RGMA: variants seen among roughly 807,000 people sequenced by gnomAD.
RGMA encodes repulsive guidance molecule A.
Under a neutral mutation model 23.2 loss-of-function variants are expected in RGMA, and 10 were observed. That is an observed-to-expected ratio of 0.43 (90% CI 0.27 to 0.73). RGMA has a LOEUF of 0.73. Among genes scored for constraint, RGMA ranks in the 30% least tolerant of loss-of-function variants. RGMA has a pLI of 0.20. For missense variants in RGMA, 547 were observed against 630.5 expected (o/e 0.87, Z 1.42); for synonymous variants, 308 against 279.3 (o/e 1.10, Z -1.03).
Position 93,089,080 on chromosome 15 carries a change from G to C in RGMA, c.-148C>G. 1 of 407,980 alleles carries C rather than the reference G, an allele frequency of 2.5e-6. No homozygotes were observed. The highest frequency in any genetic ancestry group is 4.2e-6 in the Non-Finnish European group (1 of 240,362). 25.3% of individuals were successfully genotyped at this position (407,980 alleles called of 1,614,324 possible). Reference sequence around the variant, plus strand: ...CCCCGGCCGGCTCAGCAGCGGCCCGGGGAGCGCCTCCTGCTCCCGGGCTGC... The same window carrying C: ...CCCCGGCCGGCTCAGCAGCGGCCCGCGGAGCGCCTCCTGCTCCCGGGCTGC... On this transcript the variant is annotated 5_prime_UTR_variant, in exon 1 of 4. Coordinates refer to ENST00000329082, the MANE Select transcript of RGMA (RefSeq NM_020211.3).
chr15:93,088,641 G>T, intron 1 of RGMA: 1 of 1,035,170 alleles, frequency 9.7e-7, no homozygotes, highest in Non-Finnish European at 1.3e-6. Context: ...CGCACACGGT[G>T]TAAGGGACGT....
intron 1 of RGMA, among the ~76,000 whole-genome samples, chr15:93,079,916 T>C (rs1808443903): frequency 1.3e-5 from 2 of 152,052 alleles, no homozygotes; most frequent in African/African-American, 4.8e-5. Context: ...GAAAGGACAG[T>C]TGTACATTTT....
At chr15:93,082,897 C>T (rs781214305) in intron 1 of RGMA, among the ~76,000 whole-genome samples, 1 of 152,172 alleles carries the variant, frequency 6.6e-6, no homozygotes, top group Non-Finnish European at 1.5e-5. Context: ...TAAACCTATC[C>T]ACAGTATCAG....
chr15:93,081,461 G>A (rs1895557741), intron 1 of RGMA, among the ~76,000 whole-genome samples: 1 of 152,198 alleles, frequency 6.6e-6, no homozygotes, highest in Non-Finnish European at 1.5e-5. Context: ...CCATACCTTA[G>A]AAACATTCAG....
At chr15:93,087,666 T>C (rs1225441436) in intron 1 of RGMA, among the ~76,000 whole-genome samples, 1 of 152,130 alleles carries the variant, frequency 6.6e-6, no homozygotes, top group African/African-American at 2.4e-5. Context: ...GGTTTGTGCA[T>C]TGGTTTTCAA....
At chr15:93,073,982 G>A (rs1895426299) in intron 1 of RGMA, 3 of 1,417,714 alleles carry the variant, frequency 2.1e-6, no homozygotes, top group Non-Finnish European at 2.7e-6. Flanking sequence ...GAGGGCTTCA[G>A]TATGGTGACC....
At position 93,045,253 on chromosome 15, in the gene RGMA, C is replaced by T; in HGVS notation, c.1098G>A (p.Glu366=). Residue 366 remains glutamate, a synonymous_variant, in exon 4 of 4, where the codon GAG becomes GAA. Transcript: ENST00000329082. This position sits in a 1 kb window ranked among gnomAD's most constrained non-coding sequence, Gnocchi z 6.9. ...PYETAVAKCK[E]KLPVEDLYYQ... The stretch of plus-strand genomic sequence containing the variant: ...AGTACAGGTCCTCCACCGGCAGCTT[C>T]TCCTTGCACTTGGCCACGGCTGTCT... The T allele has an allele frequency of 6.2e-7, 1 of 1,613,216 alleles. No homozygotes were observed. The highest frequency in any genetic ancestry group is 2.2e-5 in the East Asian group (1 of 44,850).
chr15:93,077,716 A>AGT (rs138060075), intron 1 of RGMA, among the ~76,000 whole-genome samples: 6 of 152,114 alleles, frequency 3.9e-5, no homozygotes, highest in Middle Eastern at 3.4e-3. Flanking sequence ...GACGTGACAT[A>AGT]GTGTGTGTGT....
chr15:93,077,036 C>T (rs751659491), intron 1 of RGMA, among the ~76,000 whole-genome samples: 2 of 152,070 alleles, frequency 1.3e-5, no homozygotes, highest in East Asian at 1.9e-4. Flanking sequence ...GGGAAGTTGA[C>T]GGGCAAGGGA....
chr15:93,045,628 G>A lies in RGMA; in HGVS notation c.723C>T (p.Ala241=), dbSNP rs750421654. Residue 241 remains alanine, a synonymous_variant, in exon 4 of 4, where the codon GCC becomes GCT. Transcript: ENST00000329082. This position sits in a 1 kb window ranked among gnomAD's most constrained non-coding sequence, Gnocchi z 6.9. ...CGTTCTTAGAGCCATCCACGAAGGC[G>A]GCCGGGAGCTCGTCCATCTCAGCCT... is the stretch of plus-strand genomic sequence containing the variant. The part of the protein sequence containing the change: ...VYQAEMDELP[A]AFVDGSKNGG... 19 of 1,612,468 alleles carry A rather than the reference G, an allele frequency of 1.2e-5. No individual in the cohort carries two copies. Among genetic ancestry groups the A allele is most frequent in the African/African-American group, 2.7e-5 (2 of 74,910 alleles).
intron 1 of RGMA, among the ~76,000 whole-genome samples, chr15:93,087,204 G>C (rs1162665787): frequency 6.6e-6 from 1 of 152,188 alleles, no homozygotes; most frequent in African/African-American, 2.4e-5. Context: ...TGCTCTACAA[G>C]GGGCCAGGGT....
intron 3 of RGMA, among the ~76,000 whole-genome samples, chr15:93,046,041 T>G (rs894858346): frequency 1.3e-5 from 2 of 152,040 alleles, no homozygotes; most frequent in African/African-American, 4.8e-5. Context: ...AAAAGCCCAG[T>G]GTGGTAGGCT....
chr15:93,066,246 CTTT>C, intron 2 of RGMA: 1 of 1,235,408 alleles, frequency 8.1e-7, no homozygotes, highest in Non-Finnish European at 1.2e-6. Flanking sequence ...TCCTGGGCTT[CTTT>C]TAATAGCTGT....
intron 3 of RGMA, among the ~76,000 whole-genome samples, chr15:93,051,684 G>A (rs771681092): frequency 3.9e-5 from 6 of 152,204 alleles, no homozygotes; most frequent in Non-Finnish European, 8.8e-5. Flanking sequence ...ACCCGGGCCT[G>A]GGGCAAATTC....
intron 2 of RGMA, chr15:93,066,045 C>A (rs1895135599): frequency 1.3e-6 from 2 of 1,511,564 alleles, no homozygotes; most frequent in South Asian, 2.3e-5. Context: ...GGATCTCTGC[C>A]ACCATGGGTG....
rs778130231 is a variant in RGMA at position 93,052,273 on chromosome 15, G to A, written c.365C>T (p.Ser122Leu). Residue 122 changes from serine to leucine, a missense_variant, in exon 3 of 4, where the codon TCG becomes TTG. Transcript: ENST00000329082. ...TGGGAGCGTGCGCAGGCGTGGCTGC[G>A]AGGTGGGGCCATCCTTGGAGCAGTT... The part of the protein sequence containing the change: ...QHNCSKDGPT[S>L]QPRLRTLPPA... 1.9e-5 allele frequency: 31 copies of A among 1,602,974 alleles called. No individual in the cohort carries two copies. The highest frequency in any genetic ancestry group is 1.0e-4 in the Admixed American group (6 of 59,834).
intron 2 of RGMA, among the ~76,000 whole-genome samples, chr15:93,060,018 A>G (rs527291827): frequency 1.3e-5 from 2 of 152,290 alleles, no homozygotes; most frequent in South Asian, 4.1e-4. Context: ...CAGCTGCCCC[A>G]CAGGGTGTGA....
At chr15:93,079,429 A>G (rs1449925942) in intron 1 of RGMA, among the ~76,000 whole-genome samples, 1 of 152,222 alleles carries the variant, frequency 6.6e-6, no homozygotes, top group Non-Finnish European at 1.5e-5. Context: ...TTCTTTTTAG[A>G]GAACACATTG....
rs1367020907 is a variant in RGMA, at chr15:93,045,975, T to C, written c.646-270A>G. Among the ~76,000 whole-genome samples the C allele has an allele frequency of 1.3e-5, 2 of 152,192 alleles. No homozygotes were observed. The highest frequency in any genetic ancestry group is 2.9e-5 in the Non-Finnish European group (2 of 68,032). On this transcript the variant is annotated intron_variant, in intron 3 of 3. Coordinates refer to ENST00000329082, the MANE Select transcript of RGMA (RefSeq NM_020211.3). The surrounding 1 kb of genome is among the most constrained non-coding windows in gnomAD (Gnocchi z 6.9). The stretch of plus-strand genomic sequence containing the variant: ...CTAAGTAGAAAACTAGCTCTTTTAC[T>C]ATATAGGGAAGTGAACCAGAAAAAT...
Sources: allele counts gnomAD v4.1 joint callset (sites outside exome capture counted in the v4.1 genomes callset), GRCh38; gene constraint gnomAD v4.1.1; non-coding constraint Gnocchi (gnomAD v3.1); transcripts MANE v1.5; gene names NCBI Gene and HGNC (gene_info 2026-07-23, HGNC 2026-07-21).